Variants in TUSC3 observed in about 807,000 individuals in gnomAD.
The protein encoded by TUSC3 is tumor suppressor candidate 3, also known as dolichyl-diphosphooligosaccharide--protein glycosyltransferase subunit TUSC3.
In TUSC3, 45 loss-of-function variants were observed where a neutral mutation model predicts 44.8. The ratio of observed to expected loss-of-function variants is 1.00; its 90% CI spans 0.79 to 1.29. The LOEUF (loss-of-function observed/expected upper bound fraction) is 1.29, where lower values mean the gene tolerates loss of function less well. Ranked by LOEUF, TUSC3 falls within the 50% of genes most tolerant of loss-of-function variation. The pLI, the probability that TUSC3 is intolerant of heterozygous loss-of-function variation, is 0.00. For missense variants in TUSC3, 519 were observed against 437.9 expected, an observed-to-expected ratio of 1.19 and a Z score of -1.65; for synonymous variants, 212 against 152.9, an observed-to-expected ratio of 1.39 and a Z score of -2.85.
At chr8:15,527,401 G>C (rs1319573343) in intron 2 of TUSC3, among the ~76,000 whole-genome samples, 2 of 152,060 alleles carry the variant, frequency 1.3e-5, no homozygotes, top group East Asian at 3.9e-4. Context: ...ATTTTTAGTA[G>C]AGATGGGGTT....
At chr8:15,647,773 T>G (rs935367629) in intron 2 of TUSC3, among the ~76,000 whole-genome samples, 6 of 152,206 alleles carry the variant, frequency 3.9e-5, no homozygotes, top group Non-Finnish European at 7.4e-5. Context: ...TATTTCAAAC[T>G]TGATTATTTG....
intron 1 of TUSC3, among the ~76,000 whole-genome samples, chr8:15,448,997 T>C (rs1435597836): frequency 6.6e-6 from 1 of 152,206 alleles, no homozygotes; most frequent in Non-Finnish European, 1.5e-5. Context: ...TAGTGTCTAG[T>C]AATGTCCCAG....
chr8:15,650,655 C>T (rs373188697), intron 2 of TUSC3, 42 bp from the exon 3 acceptor site: 8 of 1,549,876 alleles, frequency 5.2e-6, no homozygotes, highest in Admixed American at 5.0e-5. Flanking sequence ...GTAGATGCTT[C>T]AGTACTGATG....
intron 2 of TUSC3, among the ~76,000 whole-genome samples, chr8:15,514,227 T>C (rs1801180420): frequency 6.6e-6 from 1 of 152,178 alleles, no homozygotes; most frequent in Non-Finnish European, 1.5e-5. Flanking sequence ...TTTGTGTGTA[T>C]TATGAGTGAA....
intron 1 of TUSC3, among the ~76,000 whole-genome samples, chr8:15,567,944 C>A (rs144980990): frequency 3.9e-5 from 6 of 152,156 alleles, no homozygotes; most frequent in African/African-American, 1.4e-4. Flanking sequence ...TTATTTTTGT[C>A]CTCTGTAGGC....
intron 1 of TUSC3, among the ~76,000 whole-genome samples, chr8:15,569,818 C>G (rs556265794): frequency 6.6e-6 from 1 of 152,180 alleles, no homozygotes; most frequent in African/African-American, 2.4e-5. Context: ...CCGTGTCACA[C>G]TCTTGTGTAT....
chr8:15,684,950 A>G (rs1261506654), intron 6 of TUSC3, among the ~76,000 whole-genome samples: 2 of 152,138 alleles, frequency 1.3e-5, no homozygotes, highest in Non-Finnish European at 2.9e-5. Flanking sequence ...AGGAGGGGCC[A>G]CGGGGTTACA....
At chr8:15,833,288 GAA>G in the TUSC3 span, among the ~76,000 whole-genome samples, 1 of 152,096 alleles carries the variant, frequency 6.6e-6, no homozygotes, top group Non-Finnish European at 1.5e-5. Flanking sequence ...AACCATTGTG[GAA>G]AACAATGTGG....
chr8:15,497,315 A>T (rs13279983), intron 2 of TUSC3, among the ~76,000 whole-genome samples: 37,836 of 152,064 alleles, frequency 0.25, 5,101 homozygotes, highest in Non-Finnish European at 0.31. Context: ...AAGCAGTGGG[A>T]CACAATAGAA....
intron 2 of TUSC3, among the ~76,000 whole-genome samples, chr8:15,646,112 T>C (rs552088457): frequency 6.6e-6 from 1 of 152,284 alleles, no homozygotes; most frequent in East Asian, 1.9e-4. Context: ...TGAGAATTTC[T>C]GTTTCAGACA....
intron 1 of TUSC3, among the ~76,000 whole-genome samples, chr8:15,435,374 TTCC>T (rs1219834046): frequency 6.6e-6 from 1 of 152,216 alleles, no homozygotes; most frequent in Non-Finnish European, 1.5e-5. Context: ...TCAAAACTCA[TTCC>T]TTATATATTA....
chr8:15,591,124 C>T (rs1361257659), intron 1 of TUSC3, among the ~76,000 whole-genome samples: 1 of 151,972 alleles, frequency 6.6e-6, no homozygotes, highest in East Asian at 1.9e-4. Context: ...ATCATTAGGT[C>T]CTTTTTTTGG....
chr8:15,425,648 C>T (rs1248369957), intron 1 of TUSC3, among the ~76,000 whole-genome samples: 1 of 152,192 alleles, frequency 6.6e-6, no homozygotes, highest in African/African-American at 2.4e-5. Flanking sequence ...GTTAGAGAGG[C>T]AGTATGCCGA....
At chr8:15,481,247 C>CAAAAA (rs57956608) in intron 1 of TUSC3, among the ~76,000 whole-genome samples, 1 of 83,062 alleles carries the variant, frequency 1.2e-5, no homozygotes, top group Non-Finnish European at 2.5e-5. Flanking sequence ...AACTCCATCT[C>CAAAAA]AAAAAAAAAA....
At chr8:15,734,506 T>C (rs1021754336) in intron 7 of TUSC3, among the ~76,000 whole-genome samples, 2 of 152,194 alleles carry the variant, frequency 1.3e-5, no homozygotes, top group African/African-American at 4.8e-5. Context: ...ATAACTTACA[T>C]AGGGCTTTAT....
intron 6 of TUSC3, among the ~76,000 whole-genome samples, chr8:15,687,995 T>C (rs908425729): frequency 2.6e-5 from 4 of 152,186 alleles, no homozygotes; most frequent in East Asian, 1.9e-4. Flanking sequence ...AGAAGAAATA[T>C]TACATCAGAG....
At chr8:15,618,426 T>C (rs980551988) in intron 1 of TUSC3, among the ~76,000 whole-genome samples, 11 of 152,212 alleles carry the variant, frequency 7.2e-5, no homozygotes, top group African/African-American at 2.7e-4. Flanking sequence ...TTTAAGAAGT[T>C]TTTATACTTT....
At chr8:15,633,568 A>G (rs1321791201) in intron 2 of TUSC3, among the ~76,000 whole-genome samples, 1 of 152,210 alleles carries the variant, frequency 6.6e-6, no homozygotes, top group African/African-American at 2.4e-5. Context: ...GACCGATGCC[A>G]TATCAGCAAA....
intron 10 of TUSC3, chr8:15,758,074 G>A (rs2129223245): frequency 1.5e-6 from 2 of 1,329,240 alleles, no homozygotes; most frequent in Middle Eastern, 2.9e-4. Flanking sequence ...ACTGACACGT[G>A]GAGTTAATCA....
Sources: allele counts gnomAD v4.1 joint callset (sites outside exome capture counted in the v4.1 genomes callset), GRCh38; gene constraint gnomAD v4.1.1; transcripts MANE v1.5; gene names NCBI Gene and HGNC (gene_info 2026-07-23, HGNC 2026-07-21).